CA10: variants seen among roughly 807,000 people sequenced by gnomAD.
The protein encoded by CA10 is carbonic anhydrase 10 (inactive).
Under a neutral mutation model 44.2 loss-of-function variants are expected in CA10, and 14 were observed. The ratio of observed to expected loss-of-function variants is 0.32; its 90% CI spans 0.21 to 0.50. The LOEUF is 0.50. Among genes scored for constraint, CA10 ranks in the 20% least tolerant of loss-of-function variants. CA10 has a pLI of 0.99. For missense variants in CA10, 350 were observed against 409.7 expected, an observed-to-expected ratio of 0.85 and a Z score of 1.26; for synonymous variants, 159 against 141.6, an observed-to-expected ratio of 1.12 and a Z score of -0.87.
chr17:51,917,764 C>T (rs768862953), intron 3 of CA10, among the ~76,000 whole-genome samples: 2 of 152,136 alleles, frequency 1.3e-5, no homozygotes, highest in African/African-American at 4.8e-5. Context: ...CCCCATGGTC[C>T]AATTACCTCC....
intron 3 of CA10, among the ~76,000 whole-genome samples, chr17:51,897,626 G>A (rs1981128317): frequency 6.6e-6 from 1 of 152,024 alleles, no homozygotes; most frequent in African/African-American, 2.4e-5. Context: ...TTTGACAGGA[G>A]TAGCATTGAA....
At chr17:51,948,455 C>G (rs546877071) in intron 2 of CA10, among the ~76,000 whole-genome samples, 4 of 152,288 alleles carry the variant, frequency 2.6e-5, no homozygotes, top group South Asian at 4.1e-4. Flanking sequence ...CCAACACCAA[C>G]CAGCTGCAAC....
chr17:51,931,395 A>G (rs1982654614), intron 2 of CA10, among the ~76,000 whole-genome samples: 1 of 152,166 alleles, frequency 6.6e-6, no homozygotes, highest in Non-Finnish European at 1.5e-5. Flanking sequence ...GACTGCAGTC[A>G]TCATTAACAC....
intron 1 of CA10, among the ~76,000 whole-genome samples, chr17:52,155,998 T>C (rs1465603745): frequency 6.6e-6 from 1 of 152,142 alleles, no homozygotes; most frequent in Non-Finnish European, 1.5e-5. Context: ...CCCTCGGTGA[T>C]TGCCTGGCGA....
chr17:51,882,692 T>TAGGAA (rs1980429146), intron 3 of CA10, among the ~76,000 whole-genome samples: 1 of 152,160 alleles, frequency 6.6e-6, no homozygotes, highest in African/African-American at 2.4e-5. Flanking sequence ...CTCTCTGTGC[T>TAGGAA]CAGCTCTCTT....
At chr17:51,794,510 G>C (rs1906637490) in intron 3 of CA10, among the ~76,000 whole-genome samples, 1 of 152,122 alleles carries the variant, frequency 6.6e-6, no homozygotes, top group Admixed American at 6.5e-5. Context: ...CCTCCTCCTA[G>C]TCAACTAGGG....
intron 4 of CA10, among the ~76,000 whole-genome samples, chr17:51,681,423 T>C (rs1914841612): frequency 1.3e-5 from 2 of 152,158 alleles, no homozygotes; most frequent in Non-Finnish European, 2.9e-5. Context: ...ATGCATAGCA[T>C]TGGTTGATAT....
chr17:51,920,735 GA>G (rs1982197530), intron 3 of CA10, among the ~76,000 whole-genome samples: 2 of 152,158 alleles, frequency 1.3e-5, no homozygotes, highest in Admixed American at 6.5e-5. Flanking sequence ...ACCCACAACA[GA>G]ATGCTTCTGC....
chr17:51,676,150 C>T (rs543569807), intron 4 of CA10, among the ~76,000 whole-genome samples: 10 of 152,256 alleles, frequency 6.6e-5, no homozygotes, highest in Admixed American at 3.3e-4. Context: ...TACCTATGAC[C>T]GGCATTGCTG....
At chr17:51,889,034 A>T (rs1980737822) in intron 3 of CA10, among the ~76,000 whole-genome samples, 1 of 152,162 alleles carries the variant, frequency 6.6e-6, no homozygotes, top group Non-Finnish European at 1.5e-5. Flanking sequence ...GGTGCTGCCA[A>T]TCAGAATAAC....
intron 4 of CA10, among the ~76,000 whole-genome samples, chr17:51,681,951 G>A (rs28545175): frequency 0.062 from 9,510 of 152,194 alleles, 1,012 homozygotes; most frequent in African/African-American, 0.22. Context: ...GCTGTTTGGG[G>A]TGAAGGGAGA....
intron 6 of CA10, among the ~76,000 whole-genome samples, chr17:51,642,162 C>A (rs1321985859): frequency 6.6e-6 from 1 of 152,222 alleles, no homozygotes; most frequent in Non-Finnish European, 1.5e-5. Flanking sequence ...TGCTCCTGTT[C>A]TGTTCCTTGC....
intron 3 of CA10, among the ~76,000 whole-genome samples, chr17:51,912,263 T>C (rs1981819969): frequency 6.6e-6 from 1 of 152,196 alleles, no homozygotes; most frequent in Non-Finnish European, 1.5e-5. Flanking sequence ...AAACACTATG[T>C]GCTAGGCACA....
intron 4 of CA10, among the ~76,000 whole-genome samples, chr17:51,746,513 T>G (rs1904693492): frequency 1.3e-5 from 2 of 152,344 alleles, no homozygotes; most frequent in South Asian, 2.1e-4. Flanking sequence ...TCTGTGAAGC[T>G]TCTCCTGACC....
At chr17:52,092,709 A>G (rs1462541782) in intron 1 of CA10, among the ~76,000 whole-genome samples, 1 of 152,096 alleles carries the variant, frequency 6.6e-6, no homozygotes, top group African/African-American at 2.4e-5. Flanking sequence ...TTCCTGAGAC[A>G]AAATAAATGT....
At chr17:51,901,310 T>C (rs1981304665) in intron 3 of CA10, among the ~76,000 whole-genome samples, 1 of 152,110 alleles carries the variant, frequency 6.6e-6, no homozygotes. Flanking sequence ...TTCTGGGCTG[T>C]ATGCTCTAAC....
chr17:51,989,510 C>T (rs990122136), intron 2 of CA10, among the ~76,000 whole-genome samples: 2 of 151,974 alleles, frequency 1.3e-5, no homozygotes, highest in Admixed American at 1.3e-4. Flanking sequence ...TGAGTATGTT[C>T]ATTGCAGCAC....
chr17:51,894,487 A>G (rs545038554), intron 3 of CA10, among the ~76,000 whole-genome samples: 15 of 152,130 alleles, frequency 9.9e-5, no homozygotes, highest in Non-Finnish European at 2.9e-5. Context: ...CCAGTGCCCC[A>G]ATCCCTGAAA....
At chr17:52,109,444 G>A (rs1029827431) in intron 1 of CA10, among the ~76,000 whole-genome samples, 2 of 152,212 alleles carry the variant, frequency 1.3e-5, no homozygotes, top group Non-Finnish European at 2.9e-5. Context: ...CTTTTCCAAA[G>A]CAAGAGTTCT....
Sources: allele counts gnomAD v4.1 joint callset (sites outside exome capture counted in the v4.1 genomes callset), GRCh38; gene constraint gnomAD v4.1.1; transcripts MANE v1.5; gene names NCBI Gene and HGNC (gene_info 2026-07-23, HGNC 2026-07-21).